Variants in RPGRIP1L observed in about 807,000 individuals in gnomAD.
RPGRIP1L encodes RPGRIP1 like, also known as protein fantom.
Under a neutral mutation model 160.4 loss-of-function variants are expected in RPGRIP1L, and 131 were observed. The ratio of observed to expected loss-of-function variants is 0.82; its 90% CI spans 0.71 to 0.94. RPGRIP1L has a LOEUF of 0.94. RPGRIP1L is among the 40% of genes least tolerant of loss of function. The probability of loss-of-function intolerance (pLI) is 0.00; values close to 1 mark genes in which losing one functional copy is unlikely to be tolerated. For synonymous variants in RPGRIP1L, 510 were observed against 515.8 expected (o/e 0.99, Z 0.15); for missense variants, 1,522 against 1,535.8 (o/e 0.99, Z 0.15).
intron 15 of RPGRIP1L, among the ~76,000 whole-genome samples, chr16:53,651,638 A>T (rs1237185823): frequency 6.6e-6 from 1 of 152,040 alleles, no homozygotes; most frequent in African/African-American, 2.4e-5. Context: ...GGATCCTGGC[A>T]TGGATCTTCA....
intron 10 of RPGRIP1L, among the ~76,000 whole-genome samples, chr16:53,662,556 T>C (rs1010123210): frequency 1.2e-4 from 19 of 152,094 alleles, no homozygotes; most frequent in African/African-American, 4.6e-4. Flanking sequence ...CAAAGTAAAA[T>C]TAAACAGTTT....
intron 24 of RPGRIP1L, among the ~76,000 whole-genome samples, chr16:53,617,073 CAAAAAAAAA>C (rs397945611): frequency 2.3e-4 from 5 of 21,848 alleles, no homozygotes; most frequent in East Asian, 1.1e-3. Context: ...CCTTGCATCA[CAAAAAAAAA>C]AAAAAAAAAA....
At chr16:53,659,234 G>T (rs1365192093) in intron 10 of RPGRIP1L, 9 of 951,196 alleles carry the variant, frequency 9.5e-6, no homozygotes, top group Non-Finnish European at 1.1e-5. Context: ...CTCCTGAAAA[G>T]CATGTGGAAA....
chr16:53,632,365 A>C (rs1488771312), intron 22 of RPGRIP1L, among the ~76,000 whole-genome samples: 3 of 152,198 alleles, frequency 2.0e-5, no homozygotes, highest in African/African-American at 7.2e-5. Context: ...ATAACTATAG[A>C]GTAGGGTTAT....
chr16:53,668,553 G>A (rs536474671), intron 9 of RPGRIP1L, among the ~76,000 whole-genome samples: 3 of 152,062 alleles, frequency 2.0e-5, no homozygotes, highest in African/African-American at 7.2e-5. Flanking sequence ...ATGGATAGGC[G>A]AAGAAGCTCT....
At chr16:53,690,593 G>C (rs1255857887) in intron 4 of RPGRIP1L, among the ~76,000 whole-genome samples, 1 of 152,156 alleles carries the variant, frequency 6.6e-6, no homozygotes, top group Non-Finnish European at 1.5e-5. Context: ...GCTTCTCGAG[G>C]ACTTTAGGTG....
chr16:53,610,398 T>C (rs1963951955), intron 25 of RPGRIP1L, among the ~76,000 whole-genome samples: 1 of 152,180 alleles, frequency 6.6e-6, no homozygotes, highest in Non-Finnish European at 1.5e-5. Context: ...TGATGAGCCA[T>C]TACAAACAAT....
intron 4 of RPGRIP1L, 34 bp from the exon 5 acceptor site, chr16:53,687,999 T>C (rs770497668): frequency 1.6e-6 from 2 of 1,259,562 alleles, no homozygotes; most frequent in African/African-American, 1.5e-5. Flanking sequence ...GATTACAGAA[T>C]TGAAGTTAGA....
At position 53,686,474 on chromosome 16, in the gene RPGRIP1L, T is replaced by G; in HGVS notation, c.735A>C (p.Leu245Phe). The G allele has an allele frequency of 1.2e-6, 2 of 1,613,656 alleles. No individual in the cohort carries two copies. The highest frequency in any genetic ancestry group is 1.7e-6 in the Non-Finnish European group (2 of 1,179,776). The change falls in exon 6 of 27, where the codon TTA becomes TTC. Residue 245 changes from leucine (L) to phenylalanine (F), a missense_variant. By Grantham distance (22) the Leu-to-Phe change is conservative (BLOSUM62 0). Transcript: ENST00000647211. ...GCTGTTCTCGAAGCTGAAGAAGAGA[T>G]AACTCAATTTCATTTTCTTTTCTCC... ...QLRRKENEIELSLLQLREQQA... is the reference protein window; with the variant it reads ...QLRRKENEIEFSLLQLREQQA...
chr16:53,655,889 G>C (rs1158108374), intron 14 of RPGRIP1L, among the ~76,000 whole-genome samples: 1 of 152,134 alleles, frequency 6.6e-6, no homozygotes, highest in Non-Finnish European at 1.5e-5. Flanking sequence ...ATTATGTTAG[G>C]TTTCAAAGCA....
At chr16:53,607,293 A>G (rs951431619) in intron 25 of RPGRIP1L, among the ~76,000 whole-genome samples, 1 of 152,182 alleles carries the variant, frequency 6.6e-6, no homozygotes, top group African/African-American at 2.4e-5. Flanking sequence ...TCTTCTTTTT[A>G]GTAGTATTTT....
intron 4 of RPGRIP1L, among the ~76,000 whole-genome samples, chr16:53,688,166 C>T (rs1970149555): frequency 6.6e-6 from 1 of 151,978 alleles, no homozygotes; most frequent in African/African-American, 2.4e-5. Context: ...AACACAGCAG[C>T]AAGTATTGCT....
chr16:53,695,344 G>C (rs187324630), intron 3 of RPGRIP1L: 2 of 702,932 alleles, frequency 2.8e-6, no homozygotes, highest in Non-Finnish European at 5.2e-6. Context: ...GCATGCCAGT[G>C]GGTTGTTGAA....
chr16:53,648,620 G>GCACACACACA (rs1329861075), intron 16 of RPGRIP1L, among the ~76,000 whole-genome samples: 28 of 62,400 alleles, frequency 4.5e-4, no homozygotes, highest in African/African-American at 1.3e-3. Flanking sequence ...GCGTGCGCGC[G>GCACACACACA]CGCGCGCACA....
chr16:53,637,314 T>C (rs1965902551), intron 21 of RPGRIP1L, among the ~76,000 whole-genome samples: 1 of 152,202 alleles, frequency 6.6e-6, no homozygotes, highest in Non-Finnish European at 1.5e-5. Context: ...ATTGTTTGCT[T>C]TTACCAGATT....
At position 53,622,799 on chromosome 16, in the gene RPGRIP1L, C is replaced by CCACACACACACACACA. The variant is rs201959082; in HGVS notation, c.3295-459_3295-444dup. On this transcript the variant is annotated intron_variant, in intron 22 of 26. Transcript: ENST00000647211. ...TCCAAAAAATAAAACAAAACAAAAACCACACACACACACACACACACACAC... is the reference window on the plus strand; with the variant it reads ...TCCAAAAAATAAAACAAAACAAAAACCACACACACACACACACACACACACACACACACACACACAC... 9.6e-4 allele frequency among the ~76,000 whole-genome samples: 131 copies of CCACACACACACACACA among 135,892 alleles called. 1 individual carries two copies. The highest frequency in any genetic ancestry group is 3.3e-3 in the African/African-American group (115 of 34,704). 89.2% of individuals were successfully genotyped at this position (135,892 alleles called of 152,430 possible).
intron 9 of RPGRIP1L, among the ~76,000 whole-genome samples, chr16:53,665,625 C>T (rs1468925084): frequency 6.6e-6 from 1 of 152,092 alleles, no homozygotes; most frequent in East Asian, 1.9e-4. Flanking sequence ...GTGCTCTGTG[C>T]CTGATAAGAA....
chr16:53,703,043 C>A (rs896200374), intron 1 of RPGRIP1L, among the ~76,000 whole-genome samples: 4 of 152,106 alleles, frequency 2.6e-5, no homozygotes, highest in Non-Finnish European at 4.4e-5. Flanking sequence ...CCGAGACGGG[C>A]GGCTGACTTC....
chr16:53,664,452 T>G (rs1968069817), intron 10 of RPGRIP1L, among the ~76,000 whole-genome samples: 1 of 152,194 alleles, frequency 6.6e-6, no homozygotes, highest in African/African-American at 2.4e-5. Flanking sequence ...TATTACATAT[T>G]TATTTAATTG....
Sources: gnomAD v4.1 joint callset for allele counts (sites outside exome capture counted in the v4.1 genomes callset) on GRCh38, gnomAD v4.1.1 for gene constraint, MANE v1.5 for transcripts, NCBI Gene and HGNC (gene_info 2026-07-23, HGNC 2026-07-21) for gene names.